The following EPB41L2 variants were observed in gnomAD, a reference collection of about 807,000 sequenced individuals.
EPB41L2 encodes erythrocyte membrane protein band 4.1 like 2, also known as band 4.1-like protein 2.
EPB41L2 carries 43 observed loss-of-function variants against 113.0 expected under a neutral mutation model. That is an observed-to-expected ratio of 0.38 (90% CI 0.30 to 0.49). The LOEUF (loss-of-function observed/expected upper bound fraction) is 0.49. EPB41L2 is among the 20% of genes least tolerant of loss of function. The probability of loss-of-function intolerance (pLI) is 0.95; values close to 1 mark genes in which losing one functional copy is unlikely to be tolerated. For synonymous variants in EPB41L2, 442 were observed against 436.7 expected (o/e 1.01, Z -0.15); for missense variants, 1,147 against 1,223.4 (o/e 0.94, Z 0.93).
chr6:130,954,051 T>C (rs1267253611), intron 3 of EPB41L2, among the ~76,000 whole-genome samples: 1,453 of 98,300 alleles, frequency 0.015, 64 homozygotes, highest in African/African-American at 0.042. Context: ...TTTTTTTTTT[T>C]TTTTTTTTTT....
chr6:131,030,133 A>C (rs1024827796), intron 1 of EPB41L2, among the ~76,000 whole-genome samples: 1 of 152,178 alleles, frequency 6.6e-6, no homozygotes, highest in African/African-American at 2.4e-5. Context: ...GGCTCTGCCA[A>C]GTGACTCGCT....
At chr6:131,052,430 G>A (rs552518400) in intron 1 of EPB41L2, among the ~76,000 whole-genome samples, 9 of 152,312 alleles carry the variant, frequency 5.9e-5, no homozygotes, top group East Asian at 1.9e-4. Flanking sequence ...GGCCCAGCCA[G>A]GAAGGATAGC....
intron 1 of EPB41L2, among the ~76,000 whole-genome samples, chr6:131,056,251 C>CT (rs536960390): frequency 6.9e-4 from 105 of 152,196 alleles, no homozygotes; most frequent in Non-Finnish European, 6.3e-4. Context: ...CACTAATAGG[C>CT]TTTTTTCAAC....
In EPB41L2 at chr6:131,026,135, T is replaced by C. The variant is rs1790809788; in HGVS notation, c.-15+37020A>G. 1.3e-5 allele frequency among the ~76,000 whole-genome samples: 2 copies of C among 152,286 alleles called. 1 individual carries two copies. The highest frequency in any genetic ancestry group is 3.9e-4 in the East Asian group (2 of 5,182). Reference sequence around the variant, plus strand: ...GTCCCTTCTAGCAAGAATAGCCTTATTGAGTGGACAGGCAAGGGCAGGGAC... The same window carrying C: ...GTCCCTTCTAGCAAGAATAGCCTTACTGAGTGGACAGGCAAGGGCAGGGAC... On this transcript the variant is annotated intron_variant, in intron 1 of 19. Coordinates refer to ENST00000337057, the MANE Select transcript of EPB41L2 (RefSeq NM_001431.4).
At chr6:131,013,827 G>A (rs758406766) in intron 1 of EPB41L2, among the ~76,000 whole-genome samples, 4 of 152,184 alleles carry the variant, frequency 2.6e-5, no homozygotes, top group Non-Finnish European at 4.4e-5. Flanking sequence ...AAAATTGAAA[G>A]CAAGTCACCA....
intron 1 of EPB41L2, among the ~76,000 whole-genome samples, chr6:130,968,146 T>A (rs1328151580): frequency 1.3e-5 from 2 of 150,880 alleles, no homozygotes; most frequent in African/African-American, 5.0e-5. Flanking sequence ...TGAATCAAAC[T>A]CAAAAAAATA....
chr6:130,857,644 C>T (rs1488394453), intron 19 of EPB41L2, among the ~76,000 whole-genome samples: 7 of 150,046 alleles, frequency 4.7e-5, no homozygotes, highest in African/African-American at 1.5e-4. Context: ...CTGCAACCTC[C>T]GCCTCCCAGG....
intron 19 of EPB41L2, among the ~76,000 whole-genome samples, chr6:130,843,832 A>G (rs1776223273): frequency 6.6e-6 from 1 of 152,168 alleles, no homozygotes; most frequent in Non-Finnish European, 1.5e-5. Flanking sequence ...TTCTTCAAGG[A>G]TATATGTTGG....
chr6:130,918,115 C>T (rs1230682519), intron 4 of EPB41L2, among the ~76,000 whole-genome samples: 1 of 152,144 alleles, frequency 6.6e-6, no homozygotes, highest in African/African-American at 2.4e-5. Context: ...ACATTCACTA[C>T]ACATCTGGGA....
chr6:130,913,920 C>T (rs1220620953), intron 4 of EPB41L2, among the ~76,000 whole-genome samples: 3 of 152,124 alleles, frequency 2.0e-5, no homozygotes, highest in Non-Finnish European at 2.9e-5. Flanking sequence ...GAGAAAAATG[C>T]ATGAGGGTGT....
chr6:130,864,546 A>T (rs1300093919), intron 17 of EPB41L2, among the ~76,000 whole-genome samples: 1 of 152,182 alleles, frequency 6.6e-6, no homozygotes, highest in African/African-American at 2.4e-5. Flanking sequence ...GAGGCTGAGG[A>T]GATCATCTGG....
At chr6:130,951,791 G>A (rs1310985508) in intron 3 of EPB41L2, among the ~76,000 whole-genome samples, 1 of 151,822 alleles carries the variant, frequency 6.6e-6, no homozygotes, top group Non-Finnish European at 1.5e-5. Flanking sequence ...AATGAAATGT[G>A]AGTTAAAGTA....
At chr6:131,056,630 G>C (rs773714615) in intron 1 of EPB41L2, among the ~76,000 whole-genome samples, 3 of 152,104 alleles carry the variant, frequency 2.0e-5, no homozygotes, top group Admixed American at 6.5e-5. Context: ...CAACCCACTA[G>C]GTCTCTTCTT....
intron 14 of EPB41L2, among the ~76,000 whole-genome samples, chr6:130,877,053 C>A (rs1293375316): frequency 6.6e-6 from 1 of 152,160 alleles, no homozygotes; most frequent in African/African-American, 2.4e-5. Flanking sequence ...CTCTACCAAG[C>A]ATGTCTTAAT....
chr6:131,006,625 G>A (rs923292523), intron 1 of EPB41L2, among the ~76,000 whole-genome samples: 2 of 56,282 alleles, frequency 3.6e-5, no homozygotes, highest in South Asian at 5.3e-4. Context: ...AGCCGAGATC[G>A]CACCACTGAA....
intron 11 of EPB41L2, among the ~76,000 whole-genome samples, chr6:130,888,209 A>G (rs779066490): frequency 6.6e-5 from 10 of 152,196 alleles, no homozygotes; most frequent in Non-Finnish European, 1.5e-4. Flanking sequence ...CTCTGGGGGA[A>G]AAAACGGAGA....
intron 1 of EPB41L2, among the ~76,000 whole-genome samples, chr6:130,984,007 TTC>T (rs1478165404): frequency 6.6e-6 from 1 of 152,248 alleles, no homozygotes; most frequent in Non-Finnish European, 1.5e-5. Context: ...TACAAAAATA[TTC>T]TTTCTTTATA....
In EPB41L2 at chr6:131,033,837, T is replaced by C. The variant is rs148532562; in HGVS notation, c.-15+29318A>G. The stretch of plus-strand genomic sequence containing the variant: ...GGTACAGAGTCTGTGTTTGTGATGA[T>C]GAAAAAGTTCTGGAAATAGACAGTG... On this transcript the variant is annotated intron_variant, in intron 1 of 19. Transcript: ENST00000337057. Among the ~76,000 whole-genome samples, 160 of 152,332 alleles carry C rather than the reference T, an allele frequency of 1.1e-3. 1 individual carries two copies. Among genetic ancestry groups the C allele is most frequent in the Non-Finnish European group, 1.6e-3 (106 of 68,032 alleles).
chr6:130,851,025 T>C (rs1158783435), intron 19 of EPB41L2, among the ~76,000 whole-genome samples: 1 of 152,238 alleles, frequency 6.6e-6, no homozygotes, highest in Non-Finnish European at 1.5e-5. Context: ...TGAGGTGTGA[T>C]TAATCTATAT....
Sources: allele counts gnomAD v4.1 joint callset (sites outside exome capture counted in the v4.1 genomes callset), GRCh38; gene constraint gnomAD v4.1.1; transcripts MANE v1.5; gene names NCBI Gene and HGNC (gene_info 2026-07-23, HGNC 2026-07-21).